CPD: variants seen among roughly 807,000 people sequenced by gnomAD.
CPD encodes carboxypeptidase D.
A neutral mutation model predicts 138.3 loss-of-function variants in CPD; 69 were observed. The ratio of observed to expected loss-of-function variants is 0.50; its 90% CI spans 0.41 to 0.61. The LOEUF is 0.61. Ranked by LOEUF, CPD falls within the 20% of genes least tolerant of loss-of-function variation. The pLI is 0.00. For missense variants in CPD, 1,432 were observed against 1,733.3 expected (o/e 0.83, Z 3.09); for synonymous variants, 651 against 642.1 (o/e 1.01, Z -0.21).
At chr17:30,456,400 TG>T in intron 16 of CPD, 49 bp downstream of exon 16, 1 of 1,611,190 alleles carries the variant, frequency 6.2e-7, no homozygotes, top group Non-Finnish European at 8.5e-7. Context: ...TTGTTGCTTT[TG>T]TGGGGAAAGG....
chr17:30,443,806 A>G lies in CPD; in HGVS notation c.2378A>G (p.His793Arg). Residue 793 changes from histidine (H) to arginine (R), a missense_variant, in exon 11 of 21, where the codon CAT (histidine) becomes CGT (arginine). Around this residue, in one of 6 missense-constraint regions of CPD, gnomAD observed 297 missense variants for 405.3 expected, o/e 0.73. Transcript: ENST00000225719. ...GTGTCCTTGTACTTAATCCAGGTTC[A>G]TCAGGGCGTCAGAGGATTTGTTCTA... is the stretch of plus-strand genomic sequence containing the variant. ...RSLIQFMKQVHQGVRGFVLDA... is the reference protein window; with the variant it reads ...RSLIQFMKQVRQGVRGFVLDA... 1.2e-6 allele frequency: 2 copies of G among 1,609,606 alleles called. No homozygotes were observed. Among genetic ancestry groups the G allele is most frequent in the Non-Finnish European group, 1.7e-6 (2 of 1,176,764 alleles).
intron 14 of CPD, 94 bp from the exon 15 acceptor site, chr17:30,455,245 C>A: frequency 9.6e-7 from 1 of 1,038,556 alleles, no homozygotes; most frequent in Non-Finnish European, 1.4e-6. Context: ...TTTAAGTTAG[C>A]ATTTTGATTG....
chr17:30,426,305 T>A (rs914464002), intron 6 of CPD, among the ~76,000 whole-genome samples: 12 of 152,084 alleles, frequency 7.9e-5, no homozygotes, highest in African/African-American at 2.9e-4. Context: ...AGAGTTTAAT[T>A]AATGCAAGGC....
chr17:30,455,527 T>A (rs746952210), intron 15 of CPD, 57 bp downstream of exon 15: 45 of 1,556,934 alleles, frequency 2.9e-5, no homozygotes, highest in Non-Finnish European at 3.7e-5. Flanking sequence ...CAAATCCCAA[T>A]TAAGTAATGT....
At chr17:30,397,191 TA>T (rs534641876) in intron 2 of CPD, among the ~76,000 whole-genome samples, 2 of 152,034 alleles carry the variant, frequency 1.3e-5, no homozygotes, top group Non-Finnish European at 2.9e-5. Flanking sequence ...CCAAAATTTG[TA>T]AAAAAAACTA....
rs1367650375 is a variant in CPD, at chr17:30,465,434, T to G, written c.*620T>G. 6.5e-6 allele frequency: 1 copy of G among 152,846 alleles called. No individual in the cohort carries two copies. Among genetic ancestry groups the G allele is most frequent in the Non-Finnish European group, 1.5e-5 (1 of 68,186 alleles). The allele number at this position is 152,846 out of a possible 1,614,324, so 9.5% of individuals were successfully genotyped here. A position where few individuals can be genotyped will look rare whatever the true frequency, so the allele number is the denominator to read the frequency against. ...AGATCGGAACTGGTAGACTACGCTG[T>G]AAGCAGGATTTCACTACCTCTCTTA... On this transcript the variant is annotated 3_prime_UTR_variant, in exon 21 of 21. Coordinates refer to ENST00000225719, the MANE Select transcript of CPD (RefSeq NM_001304.5).
chr17:30,382,271 C>T (rs886292055), intron 1 of CPD, among the ~76,000 whole-genome samples: 2 of 151,696 alleles, frequency 1.3e-5, no homozygotes, highest in Non-Finnish European at 2.9e-5. Context: ...ACCTGGATAG[C>T]GTAATAGAGT....
chr17:30,443,862 G>GC lies in CPD; in HGVS notation c.2436dup (p.Thr813HisfsTer3). On this transcript the variant is annotated frameshift_variant, in exon 11 of 21. Transcript: ENST00000225719. LOFTEE classifies it high-confidence loss of function. ...CACAGATGGCAGGGGTATATTAAAT[G>GC]CCACCATTAGTGTTGCTGAGATTAA... 1 of 1,613,930 alleles carries GC rather than the reference G, an allele frequency of 6.2e-7. No homozygotes were observed.
intron 2 of CPD, among the ~76,000 whole-genome samples, chr17:30,417,978 A>G (rs1477856733): frequency 6.6e-6 from 1 of 152,082 alleles, no homozygotes; most frequent in Non-Finnish European, 1.5e-5. Context: ...TGGTGGTCAC[A>G]TACACCAGCA....
chr17:30,415,555 C>T (rs923483774), intron 2 of CPD, among the ~76,000 whole-genome samples: 1 of 152,078 alleles, frequency 6.6e-6, no homozygotes, highest in African/African-American at 2.4e-5. Flanking sequence ...AGAACTCCTA[C>T]AACATAACAA....
In CPD at chr17:30,422,968, G is replaced by A; in HGVS notation, c.1602G>A (p.Glu534=). The A allele has an allele frequency of 1.9e-6, 3 of 1,614,002 alleles. No homozygotes were observed. The highest frequency in any genetic ancestry group is 1.1e-5 in the South Asian group (1 of 91,074). ...TTTATTCCTTGGGAAAATCAGTAGAGTCAAGAGAACTTTATGTGATGGAGA... is the reference window on the plus strand; with the variant it reads ...TTTATTCCTTGGGAAAATCAGTAGAATCAAGAGAACTTTATGTGATGGAGA... ...TRLYSLGKSV[E]SRELYVMEIS... Residue 534 remains glutamate (E), a synonymous_variant, in exon 5 of 21, where the codon GAG becomes GAA. Coordinates refer to ENST00000225719, the MANE Select transcript of CPD (RefSeq NM_001304.5).
At chr17:30,392,701 T>C (rs1230870896) in intron 2 of CPD, among the ~76,000 whole-genome samples, 1 of 152,220 alleles carries the variant, frequency 6.6e-6, no homozygotes, top group African/African-American at 2.4e-5. Context: ...TATTTTCAAA[T>C]TCTAAGTAGG....
At position 30,423,024 on chromosome 17, in the gene CPD, G is replaced by T; in HGVS notation, c.1657+1G>T. The T allele has an allele frequency of 6.2e-7, 1 of 1,600,054 alleles. No individual in the cohort carries two copies. The highest frequency in any genetic ancestry group is 8.5e-7 in the Non-Finnish European group (1 of 1,170,166). On this transcript the variant is annotated splice_donor_variant, in intron 5 of 20. Coordinates refer to ENST00000225719, the MANE Select transcript of CPD (RefSeq NM_001304.5). LOFTEE classifies it high-confidence loss of function. The stretch of plus-strand genomic sequence containing the variant: ...GATAATCCGGGTGTCCATGAACCAG[G>T]TAATTGGTATGGTCTTACACATAAT...
rs1172178031 is a variant in CPD, at chr17:30,468,731, G to T, written c.*3917G>T. 6.6e-6 allele frequency: 1 copy of T among 152,402 alleles called. No homozygotes were observed. Among genetic ancestry groups the T allele is most frequent in the Non-Finnish European group, 1.5e-5 (1 of 67,988 alleles). 9.4% of individuals were successfully genotyped at this position (152,402 alleles called of 1,614,324 possible). A position where few individuals can be genotyped will look rare whatever the true frequency, so the allele number is the denominator to read the frequency against. ...CATAATCTTTTTTCAGATGCAATAT[G>T]CCGGAAAAAGTTATAGGTCCAGTTT... is the stretch of plus-strand genomic sequence containing the variant. On this transcript the variant is annotated 3_prime_UTR_variant, in exon 21 of 21. Transcript: ENST00000225719.
At chr17:30,399,266 A>C (rs1299676766) in intron 2 of CPD, among the ~76,000 whole-genome samples, 1 of 152,096 alleles carries the variant, frequency 6.6e-6, no homozygotes, top group African/African-American at 2.4e-5. Context: ...TTCCATTTGT[A>C]CTTGAAAAGC....
At position 30,425,415 on chromosome 17, in the gene CPD, G is replaced by A. The variant is rs529909048; in HGVS notation, c.1849+1718G>A. Among the ~76,000 whole-genome samples, 7 of 152,286 alleles carry A rather than the reference G, an allele frequency of 4.6e-5. No homozygotes were observed. In the East Asian group the frequency reaches 1.3e-3, roughly 29 times the overall value. Reference sequence around the variant, plus strand: ...CATGCTTATAATCCCAGCACTTTGGGAGGTCGAGGTAGATGGATCATTTGA... The same window carrying A: ...CATGCTTATAATCCCAGCACTTTGGAAGGTCGAGGTAGATGGATCATTTGA... On this transcript the variant is annotated intron_variant, in intron 6 of 20. Transcript: ENST00000225719.
In CPD at chr17:30,431,863, A is replaced by G. The variant is rs1015394480; in HGVS notation, c.2109A>G (p.Ile703Met). 6.2e-7 allele frequency: 1 copy of G among 1,604,632 alleles called. No individual in the cohort carries two copies. The highest frequency in any genetic ancestry group is 8.5e-7 in the Non-Finnish European group (1 of 1,173,496). The change falls in exon 8 of 21, where the codon ATA becomes ATG. Residue 703 changes from isoleucine to methionine, a missense_variant. Physicochemically the swap from Ile to Met is conservative, Grantham distance 10. Coordinates refer to ENST00000225719, the MANE Select transcript of CPD (RefSeq NM_001304.5). ...KSPDDAVFQQ[I>M]ALSYSKENSQ... is the part of the protein sequence containing the mutation. ...CAGATGATGCTGTGTTCCAACAAAT[A>G]GCACTTTCTTATTCCAAGGTAGGCT...
Position 30,379,609 on chromosome 17 carries a change from A to ATCG in CPD, c.630_631insCGT (p.Asn210_Ser211insArg), listed in dbSNP as rs1567862957. The stretch of plus-strand genomic sequence containing the variant: ...CCGTCCGGGGCCAGCGGCCGCGACA[A>ATCG]TAGTCGCGGCCGCGACCTCAACCGA... On this transcript the variant is annotated inframe_insertion, in exon 1 of 21. Transcript: ENST00000225719. The surrounding 1 kb of genome is among the most constrained non-coding windows in gnomAD (Gnocchi z 7.0). 3 of 1,472,972 alleles carry ATCG rather than the reference A, an allele frequency of 2.0e-6. No homozygotes were observed. Among genetic ancestry groups the ATCG allele is most frequent in the Non-Finnish European group, 2.7e-6 (3 of 1,126,204 alleles). 91.2% of individuals were successfully genotyped at this position (1,472,972 alleles called of 1,614,324 possible).
intron 2 of CPD, among the ~76,000 whole-genome samples, chr17:30,407,515 G>A (rs570360778): frequency 5.3e-5 from 8 of 152,196 alleles, no homozygotes; most frequent in East Asian, 1.9e-4. Context: ...ATTCTAACTG[G>A]CATGAAATGG....
Sources: gnomAD v4.1 joint callset for allele counts (sites outside exome capture counted in the v4.1 genomes callset) on GRCh38, gnomAD v4.1.1 for gene constraint, gnomAD v4.1.1 regional missense constraint, Gnocchi (gnomAD v3.1) non-coding constraint, MANE v1.5 for transcripts, NCBI Gene and HGNC (gene_info 2026-07-23, HGNC 2026-07-21) for gene names.